The following SYNDIG1 variants were observed in gnomAD, a reference collection of about 807,000 sequenced individuals.
SYNDIG1 encodes synapse differentiation-inducing gene protein 1.
SYNDIG1 carries 9 observed loss-of-function variants against 19.4 expected under a neutral mutation model. The observed-to-expected ratio is 0.46, with a 90% confidence interval of 0.28 to 0.81. The LOEUF is 0.81. Among genes scored for constraint, SYNDIG1 ranks in the 30% least tolerant of loss-of-function variants. SYNDIG1 has a pLI of 0.12. For synonymous variants in SYNDIG1, 141 were observed against 145.9 expected (o/e 0.97, Z 0.24); for missense variants, 311 against 343.3 (o/e 0.91, Z 0.74).
intron 3 of SYNDIG1, among the ~76,000 whole-genome samples, chr20:24,634,099 C>T (rs2059288521): frequency 6.6e-6 from 1 of 152,204 alleles, no homozygotes; most frequent in South Asian, 2.1e-4. Flanking sequence ...TGAACCTCTC[C>T]TCCATGCCCC....
chr20:24,659,317 G>A (rs899128402), intron 3 of SYNDIG1, among the ~76,000 whole-genome samples: 9 of 152,200 alleles, frequency 5.9e-5, no homozygotes, highest in African/African-American at 1.2e-4. Context: ...TCTGCCCATC[G>A]TGGAAATGTT....
At chr20:24,588,030 A>G (rs2058446614) in intron 3 of SYNDIG1, among the ~76,000 whole-genome samples, 1 of 152,200 alleles carries the variant, frequency 6.6e-6, no homozygotes, top group South Asian at 2.1e-4. Context: ...GAGGGATGCC[A>G]TCTCTAGAAT....
At chr20:24,595,192 C>A (rs982923457) in intron 3 of SYNDIG1, among the ~76,000 whole-genome samples, 1 of 152,062 alleles carries the variant, frequency 6.6e-6, no homozygotes, top group Non-Finnish European at 1.5e-5. Flanking sequence ...TCCTTCAATG[C>A]CTAGTTTATT....
chr20:24,481,493 A>G (rs560353111), intron 1 of SYNDIG1, among the ~76,000 whole-genome samples: 113 of 152,324 alleles, frequency 7.4e-4, no homozygotes, highest in African/African-American at 2.6e-3. Context: ...GAGTGTGAAC[A>G]TGGTCAAGAC....
chr20:24,505,612 G>T (rs1377717467), intron 1 of SYNDIG1, among the ~76,000 whole-genome samples: 1 of 152,186 alleles, frequency 6.6e-6, no homozygotes, highest in African/African-American at 2.4e-5. Flanking sequence ...ATCTTAGGTG[G>T]CTTCCGCCCA....
At chr20:24,628,120 G>T (rs2059184006) in intron 3 of SYNDIG1, among the ~76,000 whole-genome samples, 1 of 152,180 alleles carries the variant, frequency 6.6e-6, no homozygotes, top group Non-Finnish European at 1.5e-5. Flanking sequence ...TCGCTCTCCG[G>T]GGCATCCCCT....
At chr20:24,604,797 C>A (rs1291461278) in intron 3 of SYNDIG1, among the ~76,000 whole-genome samples, 4 of 152,188 alleles carry the variant, frequency 2.6e-5, no homozygotes, top group East Asian at 1.9e-4. Flanking sequence ...ACCTCAAATT[C>A]TTTCTGGCAT....
At chr20:24,538,994 G>A (rs1393815350) in intron 1 of SYNDIG1, among the ~76,000 whole-genome samples, 3 of 151,974 alleles carry the variant, frequency 2.0e-5, no homozygotes, top group Non-Finnish European at 4.4e-5. Context: ...TATATCTTGG[G>A]TATTAATTCC....
At chr20:24,555,467 G>C (rs1395409369) in intron 2 of SYNDIG1, among the ~76,000 whole-genome samples, 3 of 152,040 alleles carry the variant, frequency 2.0e-5, no homozygotes, top group East Asian at 3.9e-4. Flanking sequence ...CCTCTACACA[G>C]TGCTTTGAAT....
chr20:24,616,490 C>T (rs1393549652), intron 3 of SYNDIG1, among the ~76,000 whole-genome samples: 1 of 152,264 alleles, frequency 6.6e-6, no homozygotes, highest in African/African-American at 2.4e-5. Flanking sequence ...GCTGGGCCAA[C>T]CTGCCTCCCC....
At chr20:24,590,382 C>T (rs1326601772) in intron 3 of SYNDIG1, among the ~76,000 whole-genome samples, 2 of 152,030 alleles carry the variant, frequency 1.3e-5, no homozygotes, top group African/African-American at 2.4e-5. Context: ...AGGCTGTGAC[C>T]GAGCGGGGCT....
chr20:24,474,963 A>G (rs946697484), intron 1 of SYNDIG1, among the ~76,000 whole-genome samples: 1 of 152,252 alleles, frequency 6.6e-6, no homozygotes, highest in South Asian at 2.1e-4. Flanking sequence ...ACTTTAAACT[A>G]CAGATCTTTC....
At chr20:24,476,363 G>A (rs953692896) in intron 1 of SYNDIG1, among the ~76,000 whole-genome samples, 1 of 151,990 alleles carries the variant, frequency 6.6e-6, no homozygotes, top group African/African-American at 2.4e-5. Context: ...TTATTATCCT[G>A]ATCTTTAAAA....
At position 24,658,883 on chromosome 20, in the gene SYNDIG1, C is replaced by T. The variant is rs531753592; in HGVS notation, c.619-6463C>T. 1.3e-5 allele frequency among the ~76,000 whole-genome samples: 2 copies of T among 152,274 alleles called. No homozygotes were observed. Among genetic ancestry groups the T allele is most frequent in the South Asian group, 4.1e-4 (2 of 4,820 alleles). On this transcript the variant is annotated intron_variant, in intron 3 of 3. Coordinates refer to ENST00000376862, the MANE Select transcript of SYNDIG1 (RefSeq NM_024893.3). This position sits in a 1 kb window ranked among gnomAD's most constrained non-coding sequence, Gnocchi z 4.4. Reference sequence around the variant, plus strand: ...GTTAAAATTAAATAATATTAAAATTCGGTTCTGCAGTCACATGAGCCATGC... The same window carrying T: ...GTTAAAATTAAATAATATTAAAATTTGGTTCTGCAGTCACATGAGCCATGC...
chr20:24,608,348 T>A (rs2058794435), intron 3 of SYNDIG1, among the ~76,000 whole-genome samples: 1 of 152,078 alleles, frequency 6.6e-6, no homozygotes, highest in Non-Finnish European at 1.5e-5. Flanking sequence ...CCAGCTAATT[T>A]TAGTACTTTT....
intron 3 of SYNDIG1, among the ~76,000 whole-genome samples, chr20:24,593,193 C>T (rs1341946910): frequency 1.3e-5 from 2 of 152,200 alleles, no homozygotes; most frequent in East Asian, 3.8e-4. Context: ...TAGACATCCT[C>T]CCCTCCTCCT....
At chr20:24,487,548 C>T (rs1372771478) in intron 1 of SYNDIG1, among the ~76,000 whole-genome samples, 2 of 152,156 alleles carry the variant, frequency 1.3e-5, no homozygotes, top group African/African-American at 2.4e-5. Context: ...AAGGGTCCAG[C>T]GCACTTTTTT....
chr20:24,603,986 A>G (rs2058716561), intron 3 of SYNDIG1, among the ~76,000 whole-genome samples: 1 of 152,128 alleles, frequency 6.6e-6, no homozygotes, highest in African/African-American at 2.4e-5. Context: ...TCTGAAACAA[A>G]ATGCCCTGGG....
At chr20:24,606,071 G>A (rs899352477) in intron 3 of SYNDIG1, among the ~76,000 whole-genome samples, 11 of 152,224 alleles carry the variant, frequency 7.2e-5, no homozygotes, top group South Asian at 2.1e-4. Flanking sequence ...GGTGTCCCTC[G>A]GCTTCTGGTC....
Sources: allele counts gnomAD v4.1 joint callset (sites outside exome capture counted in the v4.1 genomes callset), GRCh38; gene constraint gnomAD v4.1.1; non-coding constraint Gnocchi (gnomAD v3.1); transcripts MANE v1.5; gene names NCBI Gene and HGNC (gene_info 2026-07-23, HGNC 2026-07-21).